The following MITF variants were observed in gnomAD, a reference collection of about 807,000 sequenced individuals.
MITF encodes microphthalmia-associated transcription factor.
A neutral mutation model predicts 60.5 loss-of-function variants in MITF; 17 were observed. The ratio of observed to expected loss-of-function variants is 0.28; its 90% CI spans 0.19 to 0.42. The LOEUF is 0.42. Among genes scored for constraint, MITF ranks in the 10% least tolerant of loss-of-function variants. MITF has a pLI of 1.00. For missense variants in MITF, 622 were observed against 683.5 expected (o/e 0.91, Z 1.00); for synonymous variants, 260 against 248.5 (o/e 1.05, Z -0.43).
intron 1 of MITF, among the ~76,000 whole-genome samples, chr3:69,797,178 A>G (rs370920390): frequency 3.3e-5 from 5 of 152,192 alleles, no homozygotes; most frequent in Admixed American, 6.5e-5. Flanking sequence ...GGAAAATTGT[A>G]TTACACCTAT....
chr3:69,946,593 G>C (rs1170458441), intron 5 of MITF, among the ~76,000 whole-genome samples: 3 of 151,996 alleles, frequency 2.0e-5, no homozygotes, highest in Admixed American at 6.6e-5. Context: ...CCCAAAGTAG[G>C]CACCCAAAAA....
At chr3:69,914,521 C>T (rs935345815) in intron 2 of MITF, among the ~76,000 whole-genome samples, 1 of 152,210 alleles carries the variant, frequency 6.6e-6, no homozygotes, top group Non-Finnish European at 1.5e-5. Context: ...CCTGCCACTT[C>T]ATCGTGCAGT....
intron 2 of MITF, among the ~76,000 whole-genome samples, chr3:69,885,106 G>T (rs2064580618): frequency 6.6e-6 from 1 of 152,048 alleles, no homozygotes; most frequent in African/African-American, 2.4e-5. Flanking sequence ...GATTTCATCA[G>T]GTTGTGGATA....
chr3:69,879,014 A>G (rs1011750869), intron 1 of MITF, 120 bp from the exon 2 acceptor site: 2 of 787,046 alleles, frequency 2.5e-6, no homozygotes, highest in Admixed American at 3.8e-5. Context: ...CCATTCTGTG[A>G]CTTGATTATA....
chr3:69,827,581 G>T (rs1282786800), intron 1 of MITF, among the ~76,000 whole-genome samples: 1 of 152,140 alleles, frequency 6.6e-6, no homozygotes, highest in South Asian at 2.1e-4. Context: ...ATATCAATGG[G>T]GAGGGAAATA....
intron 5 of MITF, among the ~76,000 whole-genome samples, chr3:69,943,351 G>A (rs1230893901): frequency 6.6e-6 from 1 of 151,844 alleles, no homozygotes; most frequent in East Asian, 1.9e-4. Context: ...CCAGATCTGG[G>A]GTCAAACCCT....
At chr3:69,916,827 G>A (rs532083002) in intron 2 of MITF, among the ~76,000 whole-genome samples, 8 of 152,064 alleles carry the variant, frequency 5.3e-5, no homozygotes, top group East Asian at 1.9e-4. Context: ...AGTCAGTTAC[G>A]GTATTTACAA....
At chr3:69,890,543 A>G (rs2064737001) in intron 2 of MITF, among the ~76,000 whole-genome samples, 1 of 152,148 alleles carries the variant, frequency 6.6e-6, no homozygotes, top group African/African-American at 2.4e-5. Flanking sequence ...AGATTGATTA[A>G]CATGAAGGAT....
intron 1 of MITF, among the ~76,000 whole-genome samples, chr3:69,857,499 C>T (rs1364809431): frequency 1.3e-5 from 2 of 151,234 alleles, no homozygotes; most frequent in African/African-American, 2.4e-5. Context: ...TCTTTTTTCA[C>T]ATAAGGCAGA....
At chr3:69,778,806 T>G (rs1051970556) in intron 1 of MITF, 1 of 152,190 alleles carries the variant, frequency 6.6e-6, no homozygotes, top group Non-Finnish European at 1.5e-5. Flanking sequence ...AAACCATTTT[T>G]TTTTCTCTCA....
At chr3:69,757,652 GA>G (rs1338941769) in intron 1 of MITF, among the ~76,000 whole-genome samples, 10 of 151,656 alleles carry the variant, frequency 6.6e-5, no homozygotes, top group South Asian at 2.1e-4. Flanking sequence ...TATCAGAGAT[GA>G]AAAAAAACAG....
chr3:69,798,998 C>T (rs897579044), intron 1 of MITF, among the ~76,000 whole-genome samples: 4 of 152,164 alleles, frequency 2.6e-5, no homozygotes, highest in African/African-American at 9.7e-5. Flanking sequence ...TCATCCTAGA[C>T]TCTGATGCCC....
chr3:69,807,687 A>C (rs2063031936), intron 1 of MITF, among the ~76,000 whole-genome samples: 1 of 152,204 alleles, frequency 6.6e-6, no homozygotes, highest in South Asian at 2.1e-4. Context: ...CCACTTTGAT[A>C]CCTTTATTTG....
intron 1 of MITF, among the ~76,000 whole-genome samples, chr3:69,797,884 T>C (rs1363776644): frequency 1.3e-5 from 2 of 152,222 alleles, no homozygotes; most frequent in South Asian, 2.1e-4. Context: ...AATAAAAATA[T>C]AAATGTTGGT....
chr3:69,898,876 A>G (rs1460888278), intron 2 of MITF, among the ~76,000 whole-genome samples: 1 of 152,184 alleles, frequency 6.6e-6, no homozygotes, highest in Non-Finnish European at 1.5e-5. Context: ...TCATTTACCC[A>G]ACAAGTAGTT....
chr3:69,897,232 T>C (rs941349548), intron 2 of MITF, among the ~76,000 whole-genome samples: 3 of 151,902 alleles, frequency 2.0e-5, no homozygotes, highest in Non-Finnish European at 4.4e-5. Context: ...GATGGTGGCG[T>C]TGGTTTTGGA....
intron 1 of MITF, among the ~76,000 whole-genome samples, chr3:69,858,700 T>C (rs78148808): frequency 1.3e-5 from 2 of 152,200 alleles, no homozygotes. Flanking sequence ...TCTTTAGTTA[T>C]GCACTATGAA....
At chr3:69,778,737 G>A (rs754184806) in intron 1 of MITF, 1 of 152,152 alleles carries the variant, frequency 6.6e-6, no homozygotes, top group Non-Finnish European at 1.5e-5. Flanking sequence ...ATATAGCTCT[G>A]AGTAGTCTTT....
At chr3:69,806,762 C>T (rs905747481) in intron 1 of MITF, among the ~76,000 whole-genome samples, 1 of 152,268 alleles carries the variant, frequency 6.6e-6, no homozygotes, top group Non-Finnish European at 1.5e-5. Flanking sequence ...ATTCTTGCCT[C>T]CATTCTCTCT....
Sources: gnomAD v4.1 joint callset for allele counts (sites outside exome capture counted in the v4.1 genomes callset) on GRCh38, gnomAD v4.1.1 for gene constraint, MANE v1.5 for transcripts, NCBI Gene and HGNC (gene_info 2026-07-23, HGNC 2026-07-21) for gene names.